The following CSF1R variants were observed in gnomAD, a reference collection of about 807,000 sequenced individuals.
CSF1R encodes the protein colony stimulating factor 1 receptor.
In CSF1R, 40 loss-of-function variants were observed where a neutral mutation model predicts 110.0. That is an observed-to-expected ratio of 0.36 (90% CI 0.28 to 0.47). The LOEUF is 0.47. CSF1R is among the 20% of genes least tolerant of loss of function. CSF1R has a pLI of 0.99. For missense variants in CSF1R, 1,052 were observed against 1,253.0 expected (o/e 0.84, Z 2.42); for synonymous variants, 523 against 503.4 (o/e 1.04, Z -0.52).
Position 150,067,200 on chromosome 5 carries a change from G to GT in CSF1R, c.1626+1014dup, listed in dbSNP as rs3836741. On this transcript the variant is annotated intron_variant, in intron 10 of 20. Transcript: ENST00000675795. ...CAACCCTATCCCTCAGCCCCTTGGG[G>GT]TTTTTTTTTTTAACCTTGCTGAGCC... is the stretch of plus-strand genomic sequence containing the variant. The GT allele has an allele frequency of 3.9e-3, 583 of 149,132 alleles. 4 individuals are homozygous for GT. The highest frequency in any genetic ancestry group is 0.012 in the African/African-American group (495 of 40,930). The allele number at this position is 149,132 out of a possible 1,614,324, so 9.2% of individuals were successfully genotyped here.
chr5:150,090,701 A>G (rs1259596884), upstream of CSF1R, among the ~76,000 whole-genome samples: 1 of 152,248 alleles, frequency 6.6e-6, no homozygotes, highest in Non-Finnish European at 1.5e-5. Flanking sequence ...CAACAACAAA[A>G]AAACAATTAA....
chr5:150,053,979 C>G lies in CSF1R; in HGVS notation c.*90G>C. Reference sequence around the variant, plus strand: ...AGCTGTTGAGTGAAATGACCGAAGGCAGAGTTTGTATGTTCTCCCCGTGTC... The same window carrying G: ...AGCTGTTGAGTGAAATGACCGAAGGGAGAGTTTGTATGTTCTCCCCGTGTC... On this transcript the variant is annotated 3_prime_UTR_variant, in exon 21 of 21. Transcript: ENST00000675795. 2 of 1,329,164 alleles carry G rather than the reference C, an allele frequency of 1.5e-6. No homozygotes were observed. Among genetic ancestry groups the G allele is most frequent in the Non-Finnish European group, 2.1e-6 (2 of 947,342 alleles). The allele number at this position is 1,329,164 out of a possible 1,614,324, so 82.3% of individuals were successfully genotyped here.
At position 150,053,839 on chromosome 5, in the gene CSF1R, G is replaced by T. The variant is rs373205661; in HGVS notation, c.*230C>A. 26 of 589,396 alleles carry T rather than the reference G, an allele frequency of 4.4e-5. No homozygotes were observed. Among genetic ancestry groups the T allele is most frequent in the Middle Eastern group, 8.9e-4 (2 of 2,254 alleles). The allele number at this position is 589,396 out of a possible 1,614,324, so 36.5% of individuals were successfully genotyped here. ...ACACCATGAGAACAGTAGGGGAGGG[G>T]GGGGTGAGGGCTCAGCCCCCAGCCC... On this transcript the variant is annotated 3_prime_UTR_variant, in exon 21 of 21. Coordinates refer to ENST00000675795, the MANE Select transcript of CSF1R (RefSeq NM_001288705.3).
intron 13 of CSF1R, among the ~76,000 whole-genome samples, chr5:150,060,303 G>T (rs1757443207): frequency 6.6e-6 from 1 of 151,274 alleles, no homozygotes; most frequent in Non-Finnish European, 1.5e-5. Context: ...CTCCAGCCTG[G>T]GTGACAGAGT....
In CSF1R at chr5:150,108,089, G is replaced by A. The variant is rs572510565; in HGVS notation, c.-181+5172C>T. The stretch of plus-strand genomic sequence containing the variant: ...GGAGTTGGGGGAGAGATACAGGGAG[G>A]AGGAAGGAATGTTCCAAGAAGGAGA... On this transcript the variant is annotated intron_variant, in intron 1 of 21. Coordinates refer to the CSF1R transcript ENST00000286301. 2.6e-5 allele frequency among the ~76,000 whole-genome samples: 4 copies of A among 152,296 alleles called. No individual in the cohort carries two copies. The South Asian group carries it at 8.3e-4, about 32-fold the overall frequency.
At chr5:150,111,669 T>C (rs893789924) in intron 1 of CSF1R, among the ~76,000 whole-genome samples, 1 of 152,178 alleles carries the variant, frequency 6.6e-6, no homozygotes, top group Admixed American at 6.5e-5. Flanking sequence ...GAGTGCTGAC[T>C]TGGGAGTCAG....
At chr5:150,078,723 C>T (rs578118765) in intron 3 of CSF1R, among the ~76,000 whole-genome samples, 2 of 152,306 alleles carry the variant, frequency 1.3e-5, no homozygotes, top group South Asian at 4.1e-4. Context: ...TGCACTGCAG[C>T]CCGCTGGACC....
In CSF1R at chr5:150,106,117, A is replaced by G. The variant is rs114871387; in HGVS notation, c.-181+7144T>C. ...CCCAGCAGTGGGTGTGCTGACCGCT[A>G]GTGGACACAGAGTGGGGAAGTGCCA... On this transcript the variant is annotated intron_variant, in intron 1 of 21. Transcript: ENST00000286301. Among the ~76,000 whole-genome samples the G allele has an allele frequency of 5.5e-3, 835 of 152,320 alleles. 5 individuals carry two copies. The highest frequency in any genetic ancestry group is 0.019 in the African/African-American group (790 of 41,572).
chr5:150,080,388 A>G (rs1447498163), intron 2 of CSF1R, 52 bp from the exon 3 acceptor site: 4 of 1,582,910 alleles, frequency 2.5e-6, no homozygotes. Flanking sequence ...CACTGGGCCA[A>G]GGAGTACCTG....
chr5:150,061,158 AGG>A (rs1491175090), intron 12 of CSF1R, among the ~76,000 whole-genome samples, 186 bp from the exon 13 acceptor site: 8 of 150,982 alleles, frequency 5.3e-5, no homozygotes, highest in Non-Finnish European at 7.4e-5. Context: ...AGAGAGAGAG[AGG>A]AGGGATGAGC....
chr5:150,094,894 GA>G, intron 1 of CSF1R: 2 of 1,256,568 alleles, frequency 1.6e-6, no homozygotes, highest in Non-Finnish European at 1.1e-6. Context: ...TATACTGTTG[GA>G]AAACGCTTCA....
intron 1 of CSF1R, among the ~76,000 whole-genome samples, chr5:150,098,862 G>C (rs2113860595): frequency 6.7e-6 from 1 of 149,664 alleles, no homozygotes; most frequent in Non-Finnish European, 1.5e-5. Flanking sequence ...ACAGTTTCAA[G>C]TGCTGATAAG....
At chr5:150,071,581 G>T (rs530925801) in intron 6 of CSF1R, among the ~76,000 whole-genome samples, 2 of 152,212 alleles carry the variant, frequency 1.3e-5, no homozygotes, top group Non-Finnish European at 2.9e-5. Context: ...GACTTTTTTG[G>T]ATAATTGAAA....
At chr5:150,081,341 C>G (rs958287012) in intron 1 of CSF1R, among the ~76,000 whole-genome samples, 5 of 152,172 alleles carry the variant, frequency 3.3e-5, no homozygotes, top group African/African-American at 4.8e-5. Context: ...GTGATGCCAT[C>G]TTTCTACTCC....
intron 19 of CSF1R, chr5:150,054,799 C>A: frequency 3.9e-6 from 1 of 255,898 alleles, no homozygotes; most frequent in Non-Finnish European, 7.4e-6. Flanking sequence ...CCAGCCTGGA[C>A]AACATAGTGA....
intron 1 of CSF1R, chr5:150,094,333 T>A: frequency 6.3e-7 from 1 of 1,597,182 alleles, no homozygotes; most frequent in Non-Finnish European, 8.5e-7. Context: ...AAGAAGGAGG[T>A]TCCTGCTGTG....
At chr5:150,063,717 C>T (rs1757635326) in intron 10 of CSF1R, among the ~76,000 whole-genome samples, 1 of 152,068 alleles carries the variant, frequency 6.6e-6, no homozygotes, top group African/African-American at 2.4e-5. Context: ...GGGGGAGTAC[C>T]ATGCTAAGGG....
intron 1 of CSF1R, among the ~76,000 whole-genome samples, chr5:150,109,063 C>A (rs1418960253): frequency 6.3e-5 from 8 of 126,994 alleles, no homozygotes; most frequent in African/African-American, 9.0e-5. Context: ...AGCCCGCCCC[C>A]CCCCCACCAC....
intron 6 of CSF1R, among the ~76,000 whole-genome samples, chr5:150,071,851 G>C (rs1758047705): frequency 6.6e-6 from 1 of 152,210 alleles, no homozygotes; most frequent in South Asian, 2.1e-4. Context: ...AGGACCAGAA[G>C]GGAACTGAGA....
Sources: gnomAD v4.1 joint callset for allele counts (sites outside exome capture counted in the v4.1 genomes callset) on GRCh38, gnomAD v4.1.1 for gene constraint, MANE v1.5 for transcripts, NCBI Gene and HGNC (gene_info 2026-07-23, HGNC 2026-07-21) for gene names.